The following CLEC1A variants were observed in gnomAD, a reference collection of about 807,000 sequenced individuals.
CLEC1A encodes the protein C-type lectin-like receptor-1.
In CLEC1A, 34 loss-of-function variants were observed where a neutral mutation model predicts 28.7. That is an observed-to-expected ratio of 1.18 (90% confidence interval 0.90 to 1.57). CLEC1A has a LOEUF of 1.57. Ranked by LOEUF, CLEC1A falls within the 40% of genes most tolerant of loss-of-function variation. The pLI, the probability that CLEC1A is intolerant of heterozygous loss-of-function variation, is 0.00. For missense variants in CLEC1A, 385 were observed against 339.5 expected (o/e 1.13, Z -1.05); for synonymous variants, 116 against 121.0 (o/e 0.96, Z 0.27).
intron 3 of CLEC1A, 42 bp from the exon 4 acceptor site, chr12:10,075,697 C>G: frequency 6.4e-7 from 1 of 1,568,614 alleles, no homozygotes; most frequent in Non-Finnish European, 8.7e-7. Flanking sequence ...CTGCATGAGT[C>G]TGTCTTGCTC....
chr12:10,097,114 T>C (rs1028156184), intron 1 of CLEC1A, among the ~76,000 whole-genome samples: 8 of 152,236 alleles, frequency 5.3e-5, no homozygotes, highest in Non-Finnish European at 1.2e-4. Context: ...TTGTTGTTTT[T>C]CATTTTCACT....
rs544921669 is a variant in CLEC1A at position 10,074,981 on chromosome 12, C to CT, written c.543+522dup. On this transcript the variant is annotated intron_variant, in intron 4 of 5. Coordinates refer to ENST00000315330, the MANE Select transcript of CLEC1A (RefSeq NM_016511.4). ...GGAATAATCATATTTTAATGATGTA[C>CT]TTTAATTGCGTGTACTAACTCAATA... Among the ~76,000 whole-genome samples, 53 of 152,254 alleles carry CT rather than the reference C, an allele frequency of 3.5e-4. 3 individuals carry two copies. The East Asian group carries it at 8.9e-3, about 25-fold the overall frequency.
chr12:10,082,819 G>C (rs1042875432), intron 2 of CLEC1A, among the ~76,000 whole-genome samples: 1 of 152,194 alleles, frequency 6.6e-6, no homozygotes, highest in African/African-American at 2.4e-5. Flanking sequence ...TAATTCCACT[G>C]CCTGCAACAT....
At position 10,083,809 on chromosome 12, in the gene CLEC1A, T is replaced by A. The variant is rs185489972; in HGVS notation, c.215-2396A>T. On this transcript the variant is annotated intron_variant, in intron 2 of 5. Coordinates refer to ENST00000315330, the MANE Select transcript of CLEC1A (RefSeq NM_016511.4). Reference sequence around the variant, plus strand: ...TAAAAAACAATATAGGATATGGATTTAAAAAATTATCCAGAGAAATAAATA... The same window carrying A: ...TAAAAAACAATATAGGATATGGATTAAAAAAATTATCCAGAGAAATAAATA... Among the ~76,000 whole-genome samples the A allele has an allele frequency of 5.4e-3, 825 of 152,190 alleles. 8 individuals carry two copies. The highest frequency in any genetic ancestry group is 0.019 in the African/African-American group (776 of 41,512).
chr12:10,091,522 A>G (rs1947702776), intron 1 of CLEC1A, among the ~76,000 whole-genome samples: 1 of 152,148 alleles, frequency 6.6e-6, no homozygotes, highest in Admixed American at 6.5e-5. Context: ...TATATCATGA[A>G]CAAATCTAAG....
chr12:10,097,698 C>T (rs1369794628), intron 1 of CLEC1A, among the ~76,000 whole-genome samples: 3 of 152,206 alleles, frequency 2.0e-5, no homozygotes, highest in Non-Finnish European at 2.9e-5. Flanking sequence ...GTTCCTGGCT[C>T]CAGTCAAAGG....
chr12:10,087,129 C>T (rs148760842), intron 2 of CLEC1A, among the ~76,000 whole-genome samples: 9,062 of 139,340 alleles, frequency 0.065, 354 homozygotes, highest in South Asian at 0.1. Flanking sequence ...CCCTTGAACC[C>T]GGGAGGCGAA....
chr12:10,072,957 G>A (rs932421061), intron 5 of CLEC1A, among the ~76,000 whole-genome samples: 12 of 152,162 alleles, frequency 7.9e-5, no homozygotes, highest in Non-Finnish European at 1.6e-4. Flanking sequence ...GTGCACGCCT[G>A]TAGTCCGAGC....
chr12:10,090,375 T>C (rs563928968), intron 1 of CLEC1A, among the ~76,000 whole-genome samples: 6 of 152,096 alleles, frequency 3.9e-5, no homozygotes, highest in Admixed American at 6.6e-5. Flanking sequence ...CCTCAGCTCC[T>C]GAGGAGCCGG....
At chr12:10,074,176 CAT>C (rs1565598667) in intron 4 of CLEC1A, among the ~76,000 whole-genome samples, 2 of 152,036 alleles carry the variant, frequency 1.3e-5, no homozygotes, top group African/African-American at 4.8e-5. Flanking sequence ...AATATTTTAA[CAT>C]AGAAATTATC....
Position 10,097,915 on chromosome 12 carries a change from T to TAAAAAAAAAAAA in CLEC1A, c.115+881_115+892dup, listed in dbSNP as rs11453815. Among the ~76,000 whole-genome samples the TAAAAAAAAAAAA allele has an allele frequency of 3.4e-5, 4 of 117,872 alleles. 1 individual carries two copies. Among genetic ancestry groups the TAAAAAAAAAAAA allele is most frequent in the Non-Finnish European group, 6.9e-5 (4 of 57,682 alleles). The allele number at this position is 117,872 out of a possible 152,430, so 77.3% of individuals were successfully genotyped here. The stretch of plus-strand genomic sequence containing the variant: ...TTAACAGCTTACTGGGTAGTTTAGT[T>TAAAAAAAAAAAA]AAAAAAAAAAAAAGCCATATTAGTA... On this transcript the variant is annotated intron_variant, in intron 1 of 5. Coordinates refer to ENST00000315330, the MANE Select transcript of CLEC1A (RefSeq NM_016511.4).
chr12:10,079,770 G>T (rs938524585), intron 3 of CLEC1A, among the ~76,000 whole-genome samples: 5 of 151,754 alleles, frequency 3.3e-5, no homozygotes, highest in Admixed American at 3.3e-4. Flanking sequence ...AGGGAGCCGA[G>T]ATCATGCCAC....
chr12:10,098,669 T>A, intron 1 of CLEC1A, 139 bp downstream of exon 1: 2 of 563,756 alleles, frequency 3.5e-6, no homozygotes, highest in East Asian at 2.9e-5. Flanking sequence ...AAAAAAAAAA[T>A]CACTACTATG....
At chr12:10,094,482 T>G (rs1947751525) in intron 1 of CLEC1A, among the ~76,000 whole-genome samples, 1 of 151,964 alleles carries the variant, frequency 6.6e-6, no homozygotes, top group Non-Finnish European at 1.5e-5. Context: ...AGAGAAATAG[T>G]TATTAATAGT....
At chr12:10,088,759 T>C (rs1866553336) in intron 2 of CLEC1A, among the ~76,000 whole-genome samples, 1 of 152,158 alleles carries the variant, frequency 6.6e-6, no homozygotes, top group Admixed American at 6.5e-5. Flanking sequence ...TATTCTGCAC[T>C]AGCCCACTGA....
At chr12:10,098,688 C>A in intron 1 of CLEC1A, 120 bp downstream of exon 1, 1 of 614,634 alleles carries the variant, frequency 1.6e-6, no homozygotes, top group Non-Finnish European at 2.8e-6. Flanking sequence ...TGTCACAGGG[C>A]GAGTAATTGG....
At chr12:10,086,976 C>G (rs762858859) in intron 2 of CLEC1A, among the ~76,000 whole-genome samples, 1 of 151,978 alleles carries the variant, frequency 6.6e-6, no homozygotes, top group Non-Finnish European at 1.5e-5. Context: ...AAGACCGAGG[C>G]AGGTGGATCA....
At chr12:10,074,755 T>C (rs1866215926) in intron 4 of CLEC1A, among the ~76,000 whole-genome samples, 1 of 152,166 alleles carries the variant, frequency 6.6e-6, no homozygotes, top group Non-Finnish European at 1.5e-5. Context: ...AGGAGGTAGG[T>C]AGAAATTAAG....
At chr12:10,084,683 G>A (rs1313161689) in intron 2 of CLEC1A, among the ~76,000 whole-genome samples, 8 of 151,838 alleles carry the variant, frequency 5.3e-5, no homozygotes, top group Non-Finnish European at 1.0e-4. Flanking sequence ...TTAGCCAGGC[G>A]TGGTGGCAGG....
Sources: gnomAD v4.1 joint callset for allele counts (sites outside exome capture counted in the v4.1 genomes callset) on GRCh38, gnomAD v4.1.1 for gene constraint, MANE v1.5 for transcripts, NCBI Gene and HGNC (gene_info 2026-07-23, HGNC 2026-07-21) for gene names.